The following GLOD4 variants were observed in gnomAD, a reference collection of about 807,000 sequenced individuals.
The protein encoded by GLOD4 is glyoxalase domain containing 4, also known as glyoxalase domain-containing protein 4.
Under a neutral mutation model 39.1 loss-of-function variants are expected in GLOD4, and 44 were observed. That is an observed-to-expected ratio of 1.13 (90% CI 0.88 to 1.45). GLOD4 has a LOEUF of 1.45. Ranked by LOEUF, GLOD4 falls within the 40% of genes most tolerant of loss-of-function variation. GLOD4 has a pLI of 0.00. For synonymous variants in GLOD4, 145 were observed against 135.0 expected, an observed-to-expected ratio of 1.07 and a Z score of -0.52; for missense variants, 405 against 366.4, an observed-to-expected ratio of 1.11 and a Z score of -0.86.
At chr17:764,612 A>G (rs370298055) in intron 8 of GLOD4, 6 of 152,236 alleles carry the variant, frequency 3.9e-5, no homozygotes, top group African/African-American at 1.4e-4. Flanking sequence ...GTCCACCATT[A>G]TAAGAATGAA....
chr17:769,416 T>A (rs902653171), intron 8 of GLOD4, among the ~76,000 whole-genome samples: 12 of 147,416 alleles, frequency 8.1e-5, no homozygotes, highest in Non-Finnish European at 1.6e-4. Flanking sequence ...TGGAGGCATC[T>A]CCCTGGCGAG....
chr17:785,385 G>A (rs905806024), upstream of GLOD4, among the ~76,000 whole-genome samples: 1 of 149,904 alleles, frequency 6.7e-6, no homozygotes, highest in Non-Finnish European at 1.5e-5. Context: ...GATTAATAAT[G>A]TAGAGATTAT....
In GLOD4 at chr17:782,263, G is replaced by A. The variant is rs369432588; in HGVS notation, c.-8C>T. On this transcript the variant is annotated 5_prime_UTR_variant, in exon 1 of 9. Transcript: ENST00000301329. The stretch of plus-strand genomic sequence containing the variant: ...AGCTCTGCGAGCAGCCATGATTCCC[G>A]CCGCACGCAGCCGTCACGCGCACCG... The A allele has an allele frequency of 4.4e-5, 71 of 1,613,010 alleles. No individual in the cohort carries two copies. In the African/African-American group the frequency reaches 5.3e-4, roughly 12 times the overall value.
intron 5 of GLOD4, 184 bp from the exon 6 acceptor site, chr17:770,691 C>A: frequency 9.2e-6 from 4 of 434,128 alleles, no homozygotes; most frequent in East Asian, 3.5e-5. Flanking sequence ...CTGCACGCAT[C>A]TATGTTTTTT....
chr17:770,464 G>T lies in GLOD4; in HGVS notation c.587C>A (p.Ala196Glu). 6.3e-7 allele frequency: 1 copy of T among 1,596,016 alleles called. No homozygotes were observed. Among genetic ancestry groups the T allele is most frequent in the Non-Finnish European group, 8.6e-7 (1 of 1,163,488 alleles). Reference sequence around the variant, plus strand: ...GAAGGCAATTCTTCCAAAAGCTGCTGCATGGTCCACCCCACCCTTGACGCC... The same window carrying T: ...GAAGGCAATTCTTCCAAAAGCTGCTTCATGGTCCACCCCACCCTTGACGCC... ...LQGVKGGVDHAAAFGRIAFSC... is the reference protein window; with the variant it reads ...LQGVKGGVDHEAAFGRIAFSC... Residue 196 changes from alanine to glutamate, a missense_variant, in exon 6 of 9, where the codon GCA becomes GAA. Coordinates refer to ENST00000301329, the MANE Select transcript of GLOD4 (RefSeq NM_016080.4).
intron 8 of GLOD4, chr17:764,771 G>C (rs1369746134): frequency 2.0e-5 from 3 of 150,958 alleles, no homozygotes; most frequent in African/African-American, 7.3e-5. Context: ...CCCTTTGGGA[G>C]GCCAAGGTGG....
chr17:760,582 T>A (rs1328555710), intron 8 of GLOD4, among the ~76,000 whole-genome samples: 2 of 152,078 alleles, frequency 1.3e-5, no homozygotes, highest in African/African-American at 4.8e-5. Flanking sequence ...GGCGGTAGGA[T>A]CTCTGGTAAA....
At chr17:774,806 C>G (rs569635961) in intron 4 of GLOD4, among the ~76,000 whole-genome samples, 1 of 152,266 alleles carries the variant, frequency 6.6e-6, no homozygotes, top group South Asian at 2.1e-4. Flanking sequence ...CGGTGGTTCA[C>G]GCCTGTCACC....
At chr17:761,328 G>A (rs567894979) in intron 8 of GLOD4, among the ~76,000 whole-genome samples, 8 of 152,094 alleles carry the variant, frequency 5.3e-5, no homozygotes, top group South Asian at 4.1e-4. Flanking sequence ...GAGTTGGACC[G>A]TTTCATTTCT....
At chr17:782,420 G>A, upstream of GLOD4, 1 of 1,613,938 alleles carries the variant, frequency 6.2e-7, no homozygotes, top group Non-Finnish European at 8.5e-7. Flanking sequence ...TCGTGCGACC[G>A]TTGCTGCAGG....
At chr17:764,625 A>G (rs1428724439) in intron 8 of GLOD4, 1 of 152,204 alleles carries the variant, frequency 6.6e-6, no homozygotes, top group East Asian at 1.9e-4. Context: ...AGAATGAATG[A>G]GCAAATTGTT....
chr17:763,557 G>A (rs1301725190), intron 8 of GLOD4: 1 of 152,066 alleles, frequency 6.6e-6, no homozygotes, highest in Non-Finnish European at 1.5e-5. Context: ...AAGCACTTAA[G>A]AACGTACCGA....
At chr17:777,763 C>T (rs918622598) in intron 2 of GLOD4, 1 of 152,188 alleles carries the variant, frequency 6.6e-6, no homozygotes, top group African/African-American at 2.4e-5. Flanking sequence ...GCTCCCAAAA[C>T]CTCTGGAATT....
At chr17:761,709 G>A (rs1905466218) in intron 8 of GLOD4, among the ~76,000 whole-genome samples, 1 of 152,142 alleles carries the variant, frequency 6.6e-6, no homozygotes, top group South Asian at 2.1e-4. Flanking sequence ...TCACCATGTT[G>A]GTCAGGCTGG....
At chr17:780,870 A>G (rs1367232599) in intron 1 of GLOD4, 1 of 152,558 alleles carries the variant, frequency 6.6e-6, no homozygotes, top group Non-Finnish European at 1.5e-5. Context: ...TATATAATCT[A>G]CTATTACCGA....
In GLOD4 at chr17:782,269, C is replaced by T. The variant is rs1446497940; in HGVS notation, c.-14G>A. 4.3e-6 allele frequency: 7 copies of T among 1,613,188 alleles called. No individual in the cohort carries two copies. Among genetic ancestry groups the T allele is most frequent in the Non-Finnish European group, 5.1e-6 (6 of 1,179,484 alleles). On this transcript the variant is annotated 5_prime_UTR_variant, in exon 1 of 9. It adds an upstream start codon to the 5' untranslated region. Coordinates refer to ENST00000301329, the MANE Select transcript of GLOD4 (RefSeq NM_016080.4). ...GCGAGCAGCCATGATTCCCGCCGCA[C>T]GCAGCCGTCACGCGCACCGTACAGC...
chr17:778,272 C>A lies in GLOD4; in HGVS notation c.140+423G>T, dbSNP rs114413285. The A allele has an allele frequency of 1.5e-3, 443 of 289,094 alleles. 1 individual carries two copies. Among genetic ancestry groups the A allele is most frequent in the African/African-American group, 8.8e-3 (409 of 46,298 alleles). 17.9% of individuals were successfully genotyped at this position (289,094 alleles called of 1,614,324 possible). On this transcript the variant is annotated intron_variant, in intron 2 of 8. Coordinates refer to ENST00000301329, the MANE Select transcript of GLOD4 (RefSeq NM_016080.4). ...GTTGGTCATCGGAAATCCTGAAGAT[C>A]CAGACTGTGACCGGCGCCTGACGTG...
chr17:782,857 C>G (rs1176014798), upstream of GLOD4, among the ~76,000 whole-genome samples: 1 of 152,228 alleles, frequency 6.6e-6, no homozygotes, highest in Non-Finnish European at 1.5e-5. Flanking sequence ...TCTGTTTCTC[C>G]TTAGCTCTTT....
At chr17:760,326 A>C in intron 8 of GLOD4, 88 bp from the exon 9 acceptor site, 1 of 718,052 alleles carries the variant, frequency 1.4e-6, no homozygotes, top group Non-Finnish European at 2.5e-6. Flanking sequence ...ACTGACCACA[A>C]TAAAAAAAAT....
Sources: allele counts gnomAD v4.1 joint callset (sites outside exome capture counted in the v4.1 genomes callset), GRCh38; gene constraint gnomAD v4.1.1; transcripts MANE v1.5; gene names NCBI Gene and HGNC (gene_info 2026-07-23, HGNC 2026-07-21).